The following WDR7 variants were observed in gnomAD, a reference collection of about 807,000 sequenced individuals.
The protein encoded by WDR7 is WD repeat-containing protein 7.
WDR7 carries 46 observed loss-of-function variants against 169.4 expected under a neutral mutation model. The observed-to-expected ratio is 0.27, with a 90% CI of 0.21 to 0.35. WDR7 has a LOEUF of 0.35. WDR7 is among the 10% of genes least tolerant of loss of function. The pLI is 1.00. For synonymous variants in WDR7, 612 were observed against 666.8 expected (o/e 0.92, Z 1.27); for missense variants, 1,534 against 1,859.3 (o/e 0.83, Z 3.22).
At chr18:56,735,781 G>A (rs1187097696) in intron 14 of WDR7, among the ~76,000 whole-genome samples, 1 of 152,148 alleles carries the variant, frequency 6.6e-6, no homozygotes, top group South Asian at 2.1e-4. Flanking sequence ...GTGAAAGCAG[G>A]CATAGACAAT....
At chr18:56,750,023 G>A (rs1443580643) in intron 14 of WDR7, among the ~76,000 whole-genome samples, 1 of 151,752 alleles carries the variant, frequency 6.6e-6, no homozygotes, top group South Asian at 2.1e-4. Flanking sequence ...GTGTGTGTGC[G>A]TGTGTGTGTC....
intron 19 of WDR7, among the ~76,000 whole-genome samples, chr18:56,794,302 C>CTCTTTTTTTTTTTTTTTTT (rs1217568621): frequency 3.4e-5 from 1 of 29,466 alleles, no homozygotes; most frequent in Non-Finnish European, 9.1e-5. Context: ...AAGGTAAAGT[C>CTCTTTTTTTTTTTTTTTTT]TATTTTTTTT....
chr18:57,012,740 G>T (rs77088889), intron 26 of WDR7, among the ~76,000 whole-genome samples: 1 of 152,142 alleles, frequency 6.6e-6, no homozygotes, highest in Non-Finnish European at 1.5e-5. Flanking sequence ...GTCAAGCTAC[G>T]GAAATTGAAG....
At chr18:56,723,219 T>C (rs1817132153) in intron 13 of WDR7, among the ~76,000 whole-genome samples, 1 of 151,500 alleles carries the variant, frequency 6.6e-6, no homozygotes, top group African/African-American at 2.4e-5. Flanking sequence ...TTTTTTTTTG[T>C]TTAAAACAAA....
intron 14 of WDR7, among the ~76,000 whole-genome samples, chr18:56,733,531 T>G (rs959087474): frequency 1.3e-5 from 2 of 152,214 alleles, no homozygotes; most frequent in Non-Finnish European, 2.9e-5. Flanking sequence ...TGTATTGGGA[T>G]ACTCTATAGA....
At chr18:56,797,092 C>T (rs983270904) in intron 19 of WDR7, among the ~76,000 whole-genome samples, 3 of 152,162 alleles carry the variant, frequency 2.0e-5, no homozygotes, top group South Asian at 2.1e-4. Flanking sequence ...GGTGCATCAG[C>T]TCTGCTTCGG....
chr18:56,899,712 TA>T (rs909357814), intron 21 of WDR7, among the ~76,000 whole-genome samples: 1 of 151,440 alleles, frequency 6.6e-6, no homozygotes, highest in Non-Finnish European at 1.5e-5. Flanking sequence ...TTTATTGTTT[TA>T]AAAAAAAATC....
chr18:56,932,267 A>T (rs7343021), intron 22 of WDR7, among the ~76,000 whole-genome samples: 18,053 of 152,166 alleles, frequency 0.12, 3,480 homozygotes, highest in African/African-American at 0.4. Flanking sequence ...AGAATCCCTC[A>T]GGTGCGCACA....
At chr18:56,872,793 C>A (rs2045971031) in intron 20 of WDR7, 1 of 151,920 alleles carries the variant, frequency 6.6e-6, no homozygotes, top group Non-Finnish European at 1.5e-5. Context: ...TAAATGGAGG[C>A]ATGTCTCTGG....
chr18:57,027,165 C>A lies in WDR7; in HGVS notation c.4431C>A (p.Ile1477=), dbSNP rs1276161080. 6.2e-7 allele frequency: 1 copy of A among 1,614,160 alleles called. No homozygotes were observed. Among genetic ancestry groups the A allele is most frequent in the Non-Finnish European group, 8.5e-7 (1 of 1,180,030 alleles). ...RLIWTSNRNV[I]LMAHDGKEHR... ...TCTGGACTTCCAACCGCAACGTCATCCTCATGGCCCATGACGGGAAGGAGC... is the reference window on the plus strand; with the variant it reads ...TCTGGACTTCCAACCGCAACGTCATACTCATGGCCCATGACGGGAAGGAGC... The change falls in exon 28 of 28, where the codon ATC becomes ATA. Residue 1477 remains isoleucine (I), a synonymous_variant. Transcript: ENST00000254442.
At chr18:56,696,064 C>CTA (rs1420946076) in intron 11 of WDR7, among the ~76,000 whole-genome samples, 178 bp from the exon 12 acceptor site, 3 of 152,152 alleles carry the variant, frequency 2.0e-5, no homozygotes, top group African/African-American at 7.2e-5. Context: ...TTCAAGTGCT[C>CTA]AGTAGTCTCA....
intron 27 of WDR7, among the ~76,000 whole-genome samples, chr18:57,025,016 A>G (rs2048347273): frequency 6.6e-6 from 1 of 152,204 alleles, no homozygotes; most frequent in South Asian, 2.1e-4. Flanking sequence ...TATAAGAGGA[A>G]CCCAGTTGTA....
chr18:56,919,645 A>G (rs1044618671), intron 21 of WDR7, among the ~76,000 whole-genome samples: 10 of 152,146 alleles, frequency 6.6e-5, no homozygotes, highest in African/African-American at 7.2e-5. Flanking sequence ...TGTACTAGTT[A>G]TTACACATTG....
At chr18:56,814,133 A>G (rs764810265) in intron 19 of WDR7, among the ~76,000 whole-genome samples, 12 of 152,182 alleles carry the variant, frequency 7.9e-5, no homozygotes, top group Non-Finnish European at 1.3e-4. Flanking sequence ...TAGTAGCCAT[A>G]TTATGTTGAA....
At chr18:57,023,003 C>T (rs1248905515) in intron 27 of WDR7, among the ~76,000 whole-genome samples, 1 of 152,258 alleles carries the variant, frequency 6.6e-6, no homozygotes, top group Non-Finnish European at 1.5e-5. Context: ...GCAGCCCAGG[C>T]AACACCCAGG....
intron 21 of WDR7, among the ~76,000 whole-genome samples, chr18:56,911,951 C>T (rs2046558149): frequency 6.6e-6 from 1 of 152,188 alleles, no homozygotes; most frequent in Non-Finnish European, 1.5e-5. Context: ...TAACTCTCTA[C>T]ATTAGCGCGA....
chr18:57,007,075 G>C (rs1183204829), intron 26 of WDR7, among the ~76,000 whole-genome samples: 1 of 151,372 alleles, frequency 6.6e-6, no homozygotes, highest in African/African-American at 2.4e-5. Flanking sequence ...CACCTCCCGG[G>C]TTCACGCCAT....
At chr18:56,868,464 A>G (rs533317427) in intron 20 of WDR7, among the ~76,000 whole-genome samples, 1 of 152,058 alleles carries the variant, frequency 6.6e-6, no homozygotes, top group Non-Finnish European at 1.5e-5. Context: ...CCTTAGGTTT[A>G]TTTATTTCTT....
intron 20 of WDR7, among the ~76,000 whole-genome samples, chr18:56,857,213 A>C (rs1257705779): frequency 6.6e-6 from 1 of 152,192 alleles, no homozygotes; most frequent in Admixed American, 6.6e-5. Context: ...ATTCTTCCTC[A>C]GAGTGTGGAA....
Sources: gnomAD v4.1 joint callset for allele counts (sites outside exome capture counted in the v4.1 genomes callset) on GRCh38, gnomAD v4.1.1 for gene constraint, MANE v1.5 for transcripts, NCBI Gene and HGNC (gene_info 2026-07-23, HGNC 2026-07-21) for gene names.